RBFOX1: variants seen among roughly 807,000 people sequenced by gnomAD.
RBFOX1 encodes RNA binding protein fox-1 homolog 1.
A neutral mutation model predicts 57.7 loss-of-function variants in RBFOX1; 8 were observed. The observed-to-expected ratio is 0.14, with a 90% CI of 0.08 to 0.25. The LOEUF (loss-of-function observed/expected upper bound fraction) is 0.25. RBFOX1 is among the 10% of genes least tolerant of loss of function. The pLI is 1.00. For missense variants in RBFOX1, 611 were observed against 548.5 expected, an observed-to-expected ratio of 1.11 and a Z score of -1.14; for synonymous variants, 326 against 222.4, an observed-to-expected ratio of 1.47 and a Z score of -4.15.
At chr16:6,070,876 C>T (rs1288775836) in intron 1 of RBFOX1, among the ~76,000 whole-genome samples, 6 of 151,912 alleles carry the variant, frequency 3.9e-5, no homozygotes, top group Non-Finnish European at 5.9e-5. Flanking sequence ...TGACAGTAGC[C>T]GTATAATTTA....
chr16:6,381,348 G>C (rs568456365), intron 2 of RBFOX1, among the ~76,000 whole-genome samples: 2 of 151,892 alleles, frequency 1.3e-5, no homozygotes. Flanking sequence ...CATCTTTTGC[G>C]ATCTCCAGTG....
At chr16:6,932,327 A>C (rs2076694891) in intron 3 of RBFOX1, among the ~76,000 whole-genome samples, 1 of 152,032 alleles carries the variant, frequency 6.6e-6, no homozygotes, top group East Asian at 1.9e-4. Context: ...AGCTGGTCTC[A>C]AACTCCTGAC....
intron 4 of RBFOX1, among the ~76,000 whole-genome samples, chr16:7,467,220 C>A (rs1319359685): frequency 6.6e-6 from 1 of 152,136 alleles, no homozygotes; most frequent in African/African-American, 2.4e-5. Context: ...AGCATAATGA[C>A]ACGGAGAACT....
chr16:5,385,486 A>G (rs80321025), intron 1 of RBFOX1, among the ~76,000 whole-genome samples: 13,758 of 152,304 alleles, frequency 0.09, 684 homozygotes, highest in South Asian at 0.15. Flanking sequence ...AGTAATGAGA[A>G]GGTGAATGAT....
intron 4 of RBFOX1, among the ~76,000 whole-genome samples, chr16:7,405,873 G>A (rs568596479): frequency 2.6e-5 from 4 of 152,268 alleles, no homozygotes; most frequent in African/African-American, 9.6e-5. Flanking sequence ...TGATTCTCAG[G>A]CAGTTGTGGC....
chr16:6,282,660 G>C (rs553779753), intron 1 of RBFOX1, among the ~76,000 whole-genome samples: 5 of 152,106 alleles, frequency 3.3e-5, no homozygotes, highest in East Asian at 1.9e-4. Flanking sequence ...TCCTGTGTTA[G>C]TTTGCTGAGA....
chr16:5,413,257 A>T (rs559879632), intron 1 of RBFOX1, among the ~76,000 whole-genome samples: 2 of 152,128 alleles, frequency 1.3e-5, no homozygotes, highest in Non-Finnish European at 1.5e-5. Context: ...AGCTTCTTCT[A>T]ATATTAACAA....
At chr16:5,749,410 C>T (rs911450311) in intron 3 of RBFOX1, among the ~76,000 whole-genome samples, 2 of 152,120 alleles carry the variant, frequency 1.3e-5, no homozygotes, top group African/African-American at 4.8e-5. Flanking sequence ...TGAATGTTGG[C>T]CTGCCATGCT....
At chr16:7,453,937 A>C (rs1344406297) in intron 4 of RBFOX1, among the ~76,000 whole-genome samples, 1 of 152,196 alleles carries the variant, frequency 6.6e-6, no homozygotes, top group Admixed American at 6.5e-5. Context: ...AGGGGGATTA[A>C]GAAAGCCATA....
At chr16:5,539,038 G>A (rs1338213934) in intron 2 of RBFOX1, among the ~76,000 whole-genome samples, 1 of 152,158 alleles carries the variant, frequency 6.6e-6, no homozygotes, top group Non-Finnish European at 1.5e-5. Flanking sequence ...GAGGTTGGGA[G>A]ATGTATGTTG....
At chr16:5,878,062 C>T (rs3859166) in intron 4 of RBFOX1, among the ~76,000 whole-genome samples, 6,478 of 152,274 alleles carry the variant, frequency 0.043, 199 homozygotes, top group Non-Finnish European at 0.066. Context: ...CATTCCATGA[C>T]ATATTTTAGT....
intron 3 of RBFOX1, among the ~76,000 whole-genome samples, chr16:6,824,241 C>G (rs7206761): frequency 6.6e-6 from 1 of 151,872 alleles, no homozygotes; most frequent in Non-Finnish European, 1.5e-5. Flanking sequence ...TCCATCTCCA[C>G]TAAAAATACA....
chr16:5,547,814 A>G (rs146199826), intron 2 of RBFOX1, among the ~76,000 whole-genome samples: 145 of 152,184 alleles, frequency 9.5e-4, no homozygotes, highest in African/African-American at 3.3e-3. Context: ...CAAATACTAC[A>G]TGTGCTCATT....
intron 3 of RBFOX1, among the ~76,000 whole-genome samples, chr16:7,049,793 T>G (rs1203621198): frequency 6.6e-6 from 1 of 152,216 alleles, no homozygotes; most frequent in Non-Finnish European, 1.5e-5. Context: ...CAGGATGAAG[T>G]GTTTTCGCTC....
chr16:6,317,374 T>C (rs544485504), intron 2 of RBFOX1, among the ~76,000 whole-genome samples: 1 of 152,242 alleles, frequency 6.6e-6, no homozygotes, highest in South Asian at 2.1e-4. Flanking sequence ...AAGGTTTTCT[T>C]ATCAGGAGAC....
At chr16:7,610,068 G>A (rs762233594) in intron 10 of RBFOX1, among the ~76,000 whole-genome samples, 5 of 147,916 alleles carry the variant, frequency 3.4e-5, no homozygotes, top group South Asian at 2.1e-4. Flanking sequence ...CGCCCTCCTC[G>A]GCCTCCTGAA....
chr16:5,535,890 G>C (rs943561367), intron 2 of RBFOX1, among the ~76,000 whole-genome samples: 1 of 152,128 alleles, frequency 6.6e-6, no homozygotes, highest in Admixed American at 6.5e-5. Flanking sequence ...GAAGAGGGGC[G>C]TACTGTAAGA....
chr16:5,810,550 C>G (rs750327832), intron 3 of RBFOX1, among the ~76,000 whole-genome samples: 1 of 152,198 alleles, frequency 6.6e-6, no homozygotes, highest in Non-Finnish European at 1.5e-5. Context: ...ACTTCTATCC[C>G]ATGGTGCTGG....
chr16:5,545,119 G>A (rs866971372), intron 2 of RBFOX1, among the ~76,000 whole-genome samples: 1 of 151,830 alleles, frequency 6.6e-6, no homozygotes, highest in East Asian at 1.9e-4. Flanking sequence ...TGGGATTACA[G>A]GCACCTGCCA....
Sources: gnomAD v4.1 joint callset for allele counts (sites outside exome capture counted in the v4.1 genomes callset) on GRCh38, gnomAD v4.1.1 for gene constraint, MANE v1.5 for transcripts, NCBI Gene and HGNC (gene_info 2026-07-23, HGNC 2026-07-21) for gene names.